TEX9: variants seen among roughly 807,000 people sequenced by gnomAD.
The protein encoded by TEX9 is testis-expressed protein 9.
In TEX9, 74 loss-of-function variants were observed where a neutral mutation model predicts 59.6. The observed-to-expected ratio is 1.24, with a 90% confidence interval of 1.03 to 1.51. The LOEUF (loss-of-function observed/expected upper bound fraction) is 1.51, where lower values mean the gene tolerates loss of function less well. Ranked by LOEUF, TEX9 falls within the 40% of genes most tolerant of loss-of-function variation. The pLI is 0.00. For synonymous variants in TEX9, 186 were observed against 152.2 expected, an observed-to-expected ratio of 1.22 and a Z score of -1.64; for missense variants, 522 against 447.8, an observed-to-expected ratio of 1.17 and a Z score of -1.49.
At chr15:56,245,874 G>C (rs563589464) in intron 1 of TEX9, among the ~76,000 whole-genome samples, 71 of 151,954 alleles carry the variant, frequency 4.7e-4, no homozygotes, top group African/African-American at 1.7e-3. Context: ...ATATATATAC[G>C]TGTGTGTGTG....
At chr15:56,279,488 C>CA (rs1407082406) in intron 1 of TEX9, among the ~76,000 whole-genome samples, 7 of 152,094 alleles carry the variant, frequency 4.6e-5, no homozygotes, top group African/African-American at 1.7e-4. Flanking sequence ...GTTATCTAGT[C>CA]AAAGGAAAGC....
chr15:56,276,876 G>A (rs925024019), intron 1 of TEX9, among the ~76,000 whole-genome samples: 3 of 152,110 alleles, frequency 2.0e-5, no homozygotes, highest in Non-Finnish European at 4.4e-5. Flanking sequence ...GTGTGAGATG[G>A]TATTTCATTG....
intron 9 of TEX9, 132 bp downstream of exon 9, chr15:56,394,966 C>T (rs2048391945): frequency 1.1e-6 from 1 of 878,282 alleles, no homozygotes; most frequent in Non-Finnish European, 1.7e-6. Context: ...TTTCCCCTTA[C>T]ATAGAATATT....
chr15:56,394,240 A>G, exon 8 of TEX9: 1 of 1,602,726 alleles, frequency 6.2e-7, no homozygotes. Flanking sequence ...TGTGAATGCA[A>G]TAAAAAGGTA....
At chr15:56,371,018 G>C (rs1275349724) in intron 2 of TEX9, among the ~76,000 whole-genome samples, 1 of 151,990 alleles carries the variant, frequency 6.6e-6, no homozygotes, top group Non-Finnish European at 1.5e-5. Flanking sequence ...CACCACACCT[G>C]GCTAATTTTT....
intron 9 of TEX9, among the ~76,000 whole-genome samples, chr15:56,410,496 C>T (rs1427763516): frequency 2.0e-5 from 3 of 151,804 alleles, no homozygotes; most frequent in Middle Eastern, 6.8e-3. Context: ...ATGTGCAACT[C>T]AGGACTTCAG....
chr15:56,335,078 T>C (rs1250688317), intron 1 of TEX9, among the ~76,000 whole-genome samples: 1 of 152,184 alleles, frequency 6.6e-6, no homozygotes, highest in Non-Finnish European at 1.5e-5. Flanking sequence ...ACAACCACTA[T>C]GCAGAACAGT....
chr15:56,259,739 T>C (rs2044221756), intron 1 of TEX9, among the ~76,000 whole-genome samples: 1 of 152,102 alleles, frequency 6.6e-6, no homozygotes, highest in Non-Finnish European at 1.5e-5. Flanking sequence ...TCCATATAAC[T>C]TTTTGAAATC....
At chr15:56,366,587 T>C (rs1342201370) in intron 2 of TEX9, among the ~76,000 whole-genome samples, 2 of 152,206 alleles carry the variant, frequency 1.3e-5, no homozygotes, top group Non-Finnish European at 2.9e-5. Context: ...GAATTTCCTT[T>C]TTGTCTGTCT....
chr15:56,263,070 C>G lies in TEX9; in HGVS notation c.-107+18792C>G, dbSNP rs535101278. On this transcript the variant is annotated intron_variant, in intron 1 of 5. Coordinates refer to the TEX9 transcript ENST00000560827. ...ACGGAGTTTTGGTTTGTTGCCCAGG[C>G]TGGAGTGCAGTGGTACGATCATGGC... 1.1e-3 allele frequency among the ~76,000 whole-genome samples: 163 copies of G among 152,268 alleles called. 1 individual carries two copies. The South Asian group carries it at 0.013, about 13-fold the overall frequency.
chr15:56,258,238 G>T (rs991271430), intron 1 of TEX9, among the ~76,000 whole-genome samples: 1 of 152,014 alleles, frequency 6.6e-6, no homozygotes, highest in African/African-American at 2.4e-5. Context: ...CCCTAGCTTT[G>T]TTCTTTTTGC....
chr15:56,406,525 CTG>C (rs1429890898), intron 9 of TEX9, among the ~76,000 whole-genome samples: 2 of 152,168 alleles, frequency 1.3e-5, no homozygotes, highest in Non-Finnish European at 2.9e-5. Context: ...AACTGCTAAA[CTG>C]TGTTCCACAG....
At chr15:56,434,195 G>T in intron 12 of TEX9, 2 of 1,613,894 alleles carry the variant, frequency 1.2e-6, no homozygotes, top group Non-Finnish European at 1.7e-6. Flanking sequence ...CAGCCCTCCT[G>T]TGTTCCAGCT....
intron 1 of TEX9, among the ~76,000 whole-genome samples, chr15:56,300,392 C>A (rs2045316707): frequency 6.6e-6 from 1 of 152,302 alleles, no homozygotes; most frequent in East Asian, 1.9e-4. Flanking sequence ...ACTCCAGGCC[C>A]TGGCTCTTAT....
intron 9 of TEX9, among the ~76,000 whole-genome samples, chr15:56,402,250 AAAG>A (rs1231604445): frequency 1.3e-5 from 2 of 152,260 alleles, no homozygotes; most frequent in Non-Finnish European, 2.9e-5. Flanking sequence ...CAAGACTAAT[AAAG>A]AAGAAAATAG....
At chr15:56,428,574 A>G (rs1392613830) in intron 12 of TEX9, 9 of 629,676 alleles carry the variant, frequency 1.4e-5, no homozygotes, top group Middle Eastern at 4.4e-4. Context: ...ATTTCAAAGA[A>G]TTCCCTTTTT....
chr15:56,337,726 T>G (rs753371741), intron 1 of TEX9, among the ~76,000 whole-genome samples: 14 of 152,230 alleles, frequency 9.2e-5, no homozygotes, highest in Admixed American at 2.6e-4. Context: ...AAATGGTAAT[T>G]CATTAAATTA....
intron 7 of TEX9, among the ~76,000 whole-genome samples, chr15:56,392,312 AGGAAACTTCCAATCAT>A (rs1729059227): frequency 6.6e-6 from 1 of 152,200 alleles, no homozygotes; most frequent in South Asian, 2.1e-4. Context: ...GGGAGGCCTC[AGGAAACTTCCAATCAT>A]GGCGGAAGGC....
In TEX9 at chr15:56,379,858, C is replaced by CTT. The variant is rs35913300; in HGVS notation, c.184-4084_184-4083dup. ...TTTTGTCTAAGTATAGGTTCTCCTG[C>CTT]TTTTTTTTTTTGGTGTAGAATATCT... On this transcript the variant is annotated intron_variant, in intron 3 of 12. Coordinates refer to ENST00000352903, the Ensembl canonical transcript of TEX9. Among the ~76,000 whole-genome samples the CTT allele has an allele frequency of 6.9e-3, 1,004 of 145,022 alleles. 7 individuals are homozygous for CTT. The highest frequency in any genetic ancestry group is 0.022 in the African/African-American group (880 of 39,724).
Sources: allele counts gnomAD v4.1 joint callset (sites outside exome capture counted in the v4.1 genomes callset), GRCh38; gene constraint gnomAD v4.1.1; transcripts MANE v1.5; gene names NCBI Gene and HGNC (gene_info 2026-07-23, HGNC 2026-07-21).